The following NAT1 variants were observed in gnomAD, a reference collection of about 807,000 sequenced individuals.
The protein encoded by NAT1 is N-acetyltransferase 1.
For synonymous variants in NAT1, 144 were observed against 122.6 expected, an observed-to-expected ratio of 1.17 and a Z score of -1.16; for missense variants, 400 against 339.2, an observed-to-expected ratio of 1.18 and a Z score of -1.41.
chr8:18,216,363 C>A (rs545015871), intron 1 of NAT1, among the ~76,000 whole-genome samples: 1 of 152,230 alleles, frequency 6.6e-6, no homozygotes, highest in African/African-American at 2.4e-5. Context: ...TATGAGCAAC[C>A]CCAAAAGCTT....
intron 2 of NAT1, among the ~76,000 whole-genome samples, chr8:18,203,901 A>G (rs1023068755): frequency 3.2e-4 from 48 of 152,194 alleles, no homozygotes; most frequent in African/African-American, 1.1e-3. Context: ...TATGGGCTAG[A>G]CACGTTAAAG....
At chr8:18,195,392 T>C (rs1169605595) in intron 2 of NAT1, among the ~76,000 whole-genome samples, 1 of 152,156 alleles carries the variant, frequency 6.6e-6, no homozygotes, top group Non-Finnish European at 1.5e-5. Context: ...GACTGTAATT[T>C]ACCTGGTAAT....
chr8:18,192,359 G>C (rs939293047), intron 2 of NAT1, among the ~76,000 whole-genome samples: 1 of 152,128 alleles, frequency 6.6e-6, no homozygotes, highest in Admixed American at 6.5e-5. Context: ...GGAGCGGATG[G>C]GGAGAAATAG....
At chr8:18,219,282 C>G (rs1186970339) in intron 1 of NAT1, 129 bp from the exon 2 acceptor site, 1 of 627,306 alleles carries the variant, frequency 1.6e-6, no homozygotes, top group African/African-American at 1.8e-5. Flanking sequence ...GTTCACTTTA[C>G]TGTGCAGTCC....
At chr8:18,202,719 G>A (rs1450835782) in intron 2 of NAT1, among the ~76,000 whole-genome samples, 1 of 152,204 alleles carries the variant, frequency 6.6e-6, no homozygotes, top group Non-Finnish European at 1.5e-5. Context: ...TGAAGCGGCA[G>A]ACCCTGGCGG....
chr8:18,193,254 AT>A (rs1259555270), intron 2 of NAT1, among the ~76,000 whole-genome samples: 1 of 148,560 alleles, frequency 6.7e-6, no homozygotes, highest in African/African-American at 2.5e-5. Flanking sequence ...ATTTTTAAAA[AT>A]TTTTTTGTAG....
chr8:18,222,727 C>G lies in NAT1; in HGVS notation c.680C>G (p.Thr227Ser), dbSNP rs1170029643. 1 of 1,614,022 alleles carries G rather than the reference C, an allele frequency of 6.2e-7. No homozygotes were observed. Among genetic ancestry groups the G allele is most frequent in the East Asian group, 2.2e-5 (1 of 44,882 alleles). ...FTSKSFCSLQ[T>S]PDGVHCLVGF... is the part of the protein sequence containing the mutation. ...AGTAAATCATTTTGTTCCTTGCAGACCCCAGATGGGGTTCACTGTTTGGTG... is the reference window on the plus strand; with the variant it reads ...AGTAAATCATTTTGTTCCTTGCAGAGCCCAGATGGGGTTCACTGTTTGGTG... Residue 227 changes from threonine to serine, a missense_variant, in exon 3 of 3, where the codon ACC (threonine) becomes AGC (serine). Physicochemically the swap from Thr to Ser is moderately conservative, Grantham distance 58. Coordinates refer to ENST00000307719, the MANE Select transcript of NAT1 (RefSeq NM_000662.8).
At chr8:18,185,314 G>A (rs1178345048) in intron 2 of NAT1, among the ~76,000 whole-genome samples, 6 of 152,214 alleles carry the variant, frequency 3.9e-5, no homozygotes, top group Middle Eastern at 3.4e-3. Context: ...TAAATTTATA[G>A]ATTCCATTCC....
chr8:18,171,668 A>C (rs918109497), intron 2 of NAT1, among the ~76,000 whole-genome samples: 1 of 152,246 alleles, frequency 6.6e-6, no homozygotes, highest in Non-Finnish European at 1.5e-5. Context: ...AAACAAAAAA[A>C]ACCACACCTG....
intron 1 of NAT1, chr8:18,170,677 A>G (rs554169077): frequency 2.2e-4 from 34 of 152,318 alleles, no homozygotes; most frequent in African/African-American, 7.9e-4. Context: ...TTTCTTTAAC[A>G]GATTGACCCA....
intron 2 of NAT1, among the ~76,000 whole-genome samples, chr8:18,177,372 G>C (rs566612803): frequency 5.9e-5 from 9 of 152,146 alleles, no homozygotes; most frequent in African/African-American, 9.6e-5. Flanking sequence ...AGTTATATGA[G>C]CATTAGTCAG....
intron 1 of NAT1, 38 bp from the exon 2 acceptor site, chr8:18,219,373 T>A (rs1244627326): frequency 7.5e-7 from 1 of 1,331,736 alleles, no homozygotes; most frequent in East Asian, 2.5e-5. Flanking sequence ...AAGGAAGTCA[T>A]GTTATATATT....
At chr8:18,187,508 G>C (rs1315873676) in intron 2 of NAT1, among the ~76,000 whole-genome samples, 1 of 152,234 alleles carries the variant, frequency 6.6e-6, no homozygotes, top group Middle Eastern at 3.4e-3. Context: ...ATACACCCTG[G>C]AATACTACGC....
intron 2 of NAT1, among the ~76,000 whole-genome samples, chr8:18,221,293 AGTGTTTTTTTTTTGGT>A (rs1239493038): frequency 2.1e-5 from 3 of 145,146 alleles, no homozygotes; most frequent in Non-Finnish European, 4.5e-5. Flanking sequence ...AATCTTAGCG[AGTGTTTTTTTTTTGGT>A]GTGTTTTTTT....
chr8:18,203,401 C>A (rs752764277), intron 2 of NAT1, among the ~76,000 whole-genome samples: 2 of 152,148 alleles, frequency 1.3e-5, no homozygotes, highest in Non-Finnish European at 2.9e-5. Flanking sequence ...ATAACTGAGG[C>A]ATTTTCACCT....
At chr8:18,220,444 G>T (rs1457053002) in intron 2 of NAT1, among the ~76,000 whole-genome samples, 1 of 152,184 alleles carries the variant, frequency 6.6e-6, no homozygotes, top group Non-Finnish European at 1.5e-5. Flanking sequence ...ACATACAAAA[G>T]AGTTATACCT....
chr8:18,193,984 C>T (rs1040926984), intron 2 of NAT1, among the ~76,000 whole-genome samples: 20 of 152,274 alleles, frequency 1.3e-4, no homozygotes, highest in African/African-American at 4.6e-4. Flanking sequence ...CGGTTGCATG[C>T]ATCTCCATCA....
chr8:18,222,978 C>G lies in NAT1; in HGVS notation c.*58C>G, dbSNP rs4986994. 212 of 1,426,326 alleles carry G rather than the reference C, an allele frequency of 1.5e-4. No individual in the cohort carries two copies. Among genetic ancestry groups the G allele is most frequent in the Middle Eastern group, 7.3e-4 (3 of 4,128 alleles). The allele number at this position is 1,426,326 out of a possible 1,614,324, so 88.4% of individuals were successfully genotyped here. A position where few individuals can be genotyped will look rare whatever the true frequency, so the allele number is the denominator to read the frequency against. ...ATCCAGCTCACCAGTTATCAACTGA[C>G]GACCTATCATGTATCTTCTGTACCC... On this transcript the variant is annotated 3_prime_UTR_variant, in exon 3 of 3. Coordinates refer to ENST00000307719, the MANE Select transcript of NAT1 (RefSeq NM_000662.8).
chr8:18,222,486 C>T lies in NAT1; in HGVS notation c.439C>T (p.Pro147Ser), dbSNP rs529845573. 3 of 1,614,014 alleles carry T rather than the reference C, an allele frequency of 1.9e-6. No homozygotes were observed. Among genetic ancestry groups the T allele is most frequent in the African/African-American group, 2.7e-5 (2 of 74,984 alleles). The change falls in exon 3 of 3, where the codon CCT becomes TCT. Residue 147 changes from proline to serine, a missense_variant. Transcript: ENST00000307719. ...LISGKDQPQV[P>S]CVFRLTEENG... ...TTCTGGGAAGGATCAGCCTCAGGTGCCTTGTGTCTTCCGTTTGACGGAAGA... is the reference window on the plus strand; with the variant it reads ...TTCTGGGAAGGATCAGCCTCAGGTGTCTTGTGTCTTCCGTTTGACGGAAGA...
Sources: gnomAD v4.1 joint callset for allele counts (sites outside exome capture counted in the v4.1 genomes callset) on GRCh38, gnomAD v4.1.1 for gene constraint, MANE v1.5 for transcripts, NCBI Gene and HGNC (gene_info 2026-07-23, HGNC 2026-07-21) for gene names.